Variants in PRKN observed in about 807,000 individuals in gnomAD.
PRKN encodes E3 ubiquitin-protein ligase parkin.
A neutral mutation model predicts 59.5 loss-of-function variants in PRKN; 56 were observed. That is an observed-to-expected ratio of 0.94 (90% CI 0.76 to 1.18). The LOEUF (loss-of-function observed/expected upper bound fraction) is 1.18, where lower values mean the gene tolerates loss of function less well. PRKN is among the 50% of genes most tolerant of loss of function. The pLI, the probability that PRKN is intolerant of heterozygous loss-of-function variation, is 0.00. For missense variants in PRKN, 657 were observed against 596.4 expected (o/e 1.10, Z -1.06); for synonymous variants, 250 against 222.1 (o/e 1.13, Z -1.12).
chr6:162,706,843 G>A (rs1289279430), intron 1 of PRKN, among the ~76,000 whole-genome samples: 1 of 151,572 alleles, frequency 6.6e-6, no homozygotes, highest in African/African-American at 2.4e-5. Context: ...CAATTCTTAA[G>A]AAGACACTAA....
At position 161,423,494 on chromosome 6, in the gene PRKN, T is replaced by C. The variant is rs1474732005; in HGVS notation, c.1084-36617A>G. Among the ~76,000 whole-genome samples, 1 of 152,182 alleles carries C rather than the reference T, an allele frequency of 6.6e-6. No homozygotes were observed. On this transcript the variant is annotated intron_variant, in intron 9 of 11. Coordinates refer to ENST00000366898, the MANE Select transcript of PRKN (RefSeq NM_004562.3). The surrounding 1 kb of genome is among the most constrained non-coding windows in gnomAD (Gnocchi z 5.9). Reference sequence around the variant, plus strand: ...CATTTGAACAGGGGCATAGGCAGTGTTTGTCAAGCTCTGGAATGTGGATGA... The same window carrying C: ...CATTTGAACAGGGGCATAGGCAGTGCTTGTCAAGCTCTGGAATGTGGATGA...
chr6:162,340,147 TA>T (rs11355851), intron 2 of PRKN, among the ~76,000 whole-genome samples: 2,003 of 144,510 alleles, frequency 0.014, 28 homozygotes, highest in African/African-American at 0.034. Context: ...AAAAATAAAT[TA>T]AAAAAAAAAA....
intron 6 of PRKN, among the ~76,000 whole-genome samples, chr6:161,882,222 T>G (rs1353616569): frequency 6.6e-6 from 1 of 152,178 alleles, no homozygotes; most frequent in Non-Finnish European, 1.5e-5. Flanking sequence ...ATTCCTGACT[T>G]CCTTTTTGTT....
At chr6:161,739,601 C>T (rs1788107089) in intron 7 of PRKN, among the ~76,000 whole-genome samples, 1 of 152,112 alleles carries the variant, frequency 6.6e-6, no homozygotes, top group Non-Finnish European at 1.5e-5. Context: ...ATCAACATTT[C>T]CTTTCACTAC....
intron 1 of PRKN, among the ~76,000 whole-genome samples, chr6:162,580,028 A>T (rs977956544): frequency 1.6e-4 from 25 of 152,140 alleles, no homozygotes; most frequent in African/African-American, 5.8e-4. Context: ...GTATAATACA[A>T]CTCCTTTTAA....
intron 6 of PRKN, among the ~76,000 whole-genome samples, chr6:161,880,166 A>G (rs914739979): frequency 5.9e-5 from 9 of 152,218 alleles, no homozygotes; most frequent in Admixed American, 5.9e-4. Context: ...TATTAAAATG[A>G]TAATAGACAA....
Position 161,484,732 on chromosome 6 carries a change from C to T in PRKN, c.1083+64122G>A, listed in dbSNP as rs1307461026. Among the ~76,000 whole-genome samples, 1 of 152,172 alleles carries T rather than the reference C, an allele frequency of 6.6e-6. No individual in the cohort carries two copies. The highest frequency in any genetic ancestry group is 1.5e-5 in the Non-Finnish European group (1 of 68,016). ...TTGGCACCATCCCTGCCTCTACCCG[C>T]TAGATGCTAGAAGCATCCCCCTGTT... On this transcript the variant is annotated intron_variant, in intron 9 of 11. Coordinates refer to ENST00000366898, the MANE Select transcript of PRKN (RefSeq NM_004562.3). The surrounding 1 kb of genome is among the most constrained non-coding windows in gnomAD (Gnocchi z 4.9).
At chr6:162,078,161 A>G (rs966110253) in intron 4 of PRKN, among the ~76,000 whole-genome samples, 1 of 146,784 alleles carries the variant, frequency 6.8e-6, no homozygotes, top group African/African-American at 2.5e-5. Flanking sequence ...AAAAAAATGT[A>G]TGGTATCAGC....
intron 1 of PRKN, among the ~76,000 whole-genome samples, chr6:162,687,483 C>A (rs1451048578): frequency 1.3e-5 from 2 of 151,966 alleles, no homozygotes; most frequent in Non-Finnish European, 2.9e-5. Flanking sequence ...CGTGACTGGC[C>A]ACAAAAGAGT....
At chr6:161,692,695 G>C (rs901969917) in intron 7 of PRKN, among the ~76,000 whole-genome samples, 1 of 152,138 alleles carries the variant, frequency 6.6e-6, no homozygotes, top group Non-Finnish European at 1.5e-5. Flanking sequence ...ATTTGAGGTC[G>C]AGAATTTGAG....
At chr6:162,146,330 A>G (rs961945310) in intron 4 of PRKN, among the ~76,000 whole-genome samples, 3 of 151,996 alleles carry the variant, frequency 2.0e-5, no homozygotes, top group Non-Finnish European at 4.4e-5. Flanking sequence ...TTTTGGGGGT[A>G]ATATCCAGGT....
At chr6:161,580,060 A>G (rs1041044510) in intron 7 of PRKN, among the ~76,000 whole-genome samples, 1 of 152,182 alleles carries the variant, frequency 6.6e-6, no homozygotes, top group African/African-American at 2.4e-5. Context: ...TTTGAAAGAG[A>G]TTATGAAAAT....
At chr6:161,452,078 C>A (rs1489195604) in intron 9 of PRKN, among the ~76,000 whole-genome samples, 1 of 151,722 alleles carries the variant, frequency 6.6e-6, no homozygotes, top group Non-Finnish European at 1.5e-5. Context: ...TCCTCAGCCT[C>A]CTGAGTAGCT....
chr6:161,821,669 C>T (rs1473355088), intron 6 of PRKN, among the ~76,000 whole-genome samples: 2 of 145,332 alleles, frequency 1.4e-5, no homozygotes, highest in African/African-American at 5.0e-5. Context: ...ACAGCCTTGA[C>T]TGAGTATTTT....
At position 162,377,575 on chromosome 6, in the gene PRKN, TG is replaced by T. The variant is rs1006813171; in HGVS notation, c.171+65734del. 5.9e-5 allele frequency among the ~76,000 whole-genome samples: 9 copies of T among 152,330 alleles called. No individual in the cohort carries two copies. The South Asian group carries it at 1.0e-3, about 18-fold the overall frequency. On this transcript the variant is annotated intron_variant, in intron 2 of 11. Transcript: ENST00000366898. The stretch of plus-strand genomic sequence containing the variant: ...ATTCAGTTCGATTCATCACACTGGA[TG>T]GAGTTCTTAGACCAACACACGCCAC...
At chr6:161,736,511 G>A (rs4708924) in intron 7 of PRKN, among the ~76,000 whole-genome samples, 40,808 of 152,004 alleles carry the variant, frequency 0.27, 5,581 homozygotes, top group Admixed American at 0.33. Flanking sequence ...GTTGCAACCA[G>A]CCTGCCATTC....
intron 2 of PRKN, among the ~76,000 whole-genome samples, chr6:162,329,089 T>C (rs1783448670): frequency 6.6e-6 from 1 of 152,196 alleles, no homozygotes; most frequent in South Asian, 2.1e-4. Context: ...TGCCAGTTTT[T>C]AACTTCCTAA....
At chr6:161,957,415 T>TG (rs1562418079) in intron 6 of PRKN, among the ~76,000 whole-genome samples, 14 of 128,036 alleles carry the variant, frequency 1.1e-4, no homozygotes, top group African/African-American at 3.8e-4. Context: ...TGTTGTTTTT[T>TG]TTTTGTTTGT....
chr6:162,484,409 A>T (rs963076923), intron 1 of PRKN, among the ~76,000 whole-genome samples: 6 of 152,202 alleles, frequency 3.9e-5, no homozygotes, highest in Non-Finnish European at 5.9e-5. Context: ...GATGCAGCCA[A>T]CAGGAGTTGA....
Sources: gnomAD v4.1 joint callset for allele counts (sites outside exome capture counted in the v4.1 genomes callset) on GRCh38, gnomAD v4.1.1 for gene constraint, Gnocchi (gnomAD v3.1) non-coding constraint, MANE v1.5 for transcripts, NCBI Gene and HGNC (gene_info 2026-07-23, HGNC 2026-07-21) for gene names.